WWOX: variants seen among roughly 807,000 people sequenced by gnomAD.
The protein encoded by WWOX is WW domain containing oxidoreductase, also known as WW domain-containing oxidoreductase.
A neutral mutation model predicts 46.2 loss-of-function variants in WWOX; 69 were observed. That is an observed-to-expected ratio of 1.49 (90% CI 1.23 to 1.82). WWOX has a LOEUF of 1.82. Among genes scored for constraint, WWOX ranks in the 40% most tolerant of loss-of-function variants. WWOX has a pLI of 0.00. For synonymous variants in WWOX, 359 were observed against 202.6 expected, an observed-to-expected ratio of 1.77 and a Z score of -6.56; for missense variants, 919 against 542.6, an observed-to-expected ratio of 1.69 and a Z score of -6.89.
At chr16:78,610,469 A>T (rs2045874686) in intron 8 of WWOX, among the ~76,000 whole-genome samples, 2 of 152,194 alleles carry the variant, frequency 1.3e-5, no homozygotes, top group Admixed American at 1.3e-4. Flanking sequence ...TAAAAGATAA[A>T]AGGTCACCTA....
intron 8 of WWOX, among the ~76,000 whole-genome samples, chr16:78,815,327 G>GAA (rs770386740): frequency 2.4e-5 from 3 of 123,874 alleles, no homozygotes; most frequent in African/African-American, 3.0e-5. Flanking sequence ...TCTGTCTCGA[G>GAA]AAAAAAAAAA....
chr16:78,472,078 C>T (rs1052706670), intron 8 of WWOX, among the ~76,000 whole-genome samples: 12 of 152,184 alleles, frequency 7.9e-5, no homozygotes, highest in East Asian at 3.9e-4. Flanking sequence ...TTTTCTTAGG[C>T]GCCTATGCTT....
chr16:78,758,588 A>G (rs1196856502), intron 8 of WWOX, among the ~76,000 whole-genome samples: 1 of 152,190 alleles, frequency 6.6e-6, no homozygotes, highest in African/African-American at 2.4e-5. Flanking sequence ...CATGGCAGAA[A>G]CTATCAACCG....
At chr16:78,974,034 G>C (rs1015674664) in intron 8 of WWOX, among the ~76,000 whole-genome samples, 3 of 152,148 alleles carry the variant, frequency 2.0e-5, no homozygotes, top group Non-Finnish European at 2.9e-5. Context: ...TATGTTGAAT[G>C]TTTAAAATTC....
At chr16:78,572,200 T>G (rs2044732320) in intron 8 of WWOX, among the ~76,000 whole-genome samples, 1 of 152,024 alleles carries the variant, frequency 6.6e-6, no homozygotes, top group African/African-American at 2.4e-5. Context: ...ATGGGGAAAT[T>G]AATGGTGGCA....
At chr16:78,478,413 A>G (rs1211118488) in intron 8 of WWOX, among the ~76,000 whole-genome samples, 1 of 152,138 alleles carries the variant, frequency 6.6e-6, no homozygotes, top group Non-Finnish European at 1.5e-5. Context: ...GAATGGCCAT[A>G]TTTACCACCC....
intron 4 of WWOX, among the ~76,000 whole-genome samples, chr16:78,148,937 A>G (rs1475352368): frequency 7.0e-6 from 1 of 142,234 alleles, no homozygotes; most frequent in Non-Finnish European, 1.5e-5. Context: ...TGCCATGTAT[A>G]TTTTGATTAC....
chr16:78,937,364 T>A (rs893878000), intron 8 of WWOX, among the ~76,000 whole-genome samples: 2 of 152,010 alleles, frequency 1.3e-5, no homozygotes, highest in Non-Finnish European at 2.9e-5. Flanking sequence ...AAGACATCCT[T>A]TTTCTTTGAG....
At chr16:79,127,503 C>G (rs2049783404) in intron 8 of WWOX, among the ~76,000 whole-genome samples, 1 of 152,066 alleles carries the variant, frequency 6.6e-6, no homozygotes, top group African/African-American at 2.4e-5. Context: ...TTCATTGAAC[C>G]AATTCCCTAT....
At chr16:78,482,704 G>A (rs867571594) in intron 8 of WWOX, among the ~76,000 whole-genome samples, 3 of 152,172 alleles carry the variant, frequency 2.0e-5, no homozygotes, top group Non-Finnish European at 4.4e-5. Flanking sequence ...TCAACTGGGT[G>A]TTAAAAAGCT....
chr16:78,637,715 T>C (rs2046608382), intron 8 of WWOX, among the ~76,000 whole-genome samples: 1 of 152,204 alleles, frequency 6.6e-6, no homozygotes, highest in South Asian at 2.1e-4. Flanking sequence ...GCTTAAGCCC[T>C]TCCATTTGAA....
intron 8 of WWOX, among the ~76,000 whole-genome samples, chr16:78,877,887 T>C (rs2044265856): frequency 6.6e-6 from 1 of 152,188 alleles, no homozygotes; most frequent in Non-Finnish European, 1.5e-5. Context: ...CCCAAAAAGC[T>C]AAATGACTTC....
intron 8 of WWOX, among the ~76,000 whole-genome samples, chr16:78,650,630 G>T (rs150372343): frequency 2.2e-4 from 33 of 152,316 alleles, no homozygotes; most frequent in African/African-American, 7.5e-4. Flanking sequence ...TCATAGTGAT[G>T]TATTTATTAT....
chr16:78,315,901 C>A (rs1015187015), intron 5 of WWOX, among the ~76,000 whole-genome samples: 2 of 152,094 alleles, frequency 1.3e-5, no homozygotes, highest in African/African-American at 4.8e-5. Context: ...TAACTACTCT[C>A]CTCGTGTTGA....
chr16:78,410,543 C>A (rs2082655291), intron 6 of WWOX, among the ~76,000 whole-genome samples: 1 of 152,032 alleles, frequency 6.6e-6, no homozygotes, highest in Non-Finnish European at 1.5e-5. Context: ...GGCATGGTGG[C>A]TCACTCCTGT....
At chr16:78,335,407 C>T (rs769361206) in intron 5 of WWOX, among the ~76,000 whole-genome samples, 6 of 152,146 alleles carry the variant, frequency 3.9e-5, no homozygotes, top group Non-Finnish European at 7.4e-5. Context: ...ATAAGTTTGC[C>T]TAGGATAACG....
chr16:78,928,671 AAT>A (rs1555570528), intron 8 of WWOX, among the ~76,000 whole-genome samples: 3 of 152,138 alleles, frequency 2.0e-5, no homozygotes, highest in African/African-American at 2.4e-5. Context: ...TGGAAAAAAA[AAT>A]AATAGGAAAG....
intron 8 of WWOX, among the ~76,000 whole-genome samples, chr16:79,111,637 A>T (rs1285968691): frequency 2.0e-5 from 3 of 152,232 alleles, no homozygotes; most frequent in Non-Finnish European, 1.5e-5. Flanking sequence ...GAGACCAAAA[A>T]GTCTTGTAAA....
chr16:79,060,468 C>T (rs1371202984), intron 8 of WWOX, among the ~76,000 whole-genome samples: 1 of 152,178 alleles, frequency 6.6e-6, no homozygotes, highest in African/African-American at 2.4e-5. Flanking sequence ...TCAAGTTATG[C>T]TTTGTGCAGA....
Sources: gnomAD v4.1 joint callset for allele counts (sites outside exome capture counted in the v4.1 genomes callset) on GRCh38, gnomAD v4.1.1 for gene constraint, MANE v1.5 for transcripts, NCBI Gene and HGNC (gene_info 2026-07-23, HGNC 2026-07-21) for gene names.